The following B3GALNT2 variants were observed in gnomAD, a reference collection of about 807,000 sequenced individuals.
B3GALNT2 encodes beta-1,3-N-acetylgalactosaminyltransferase 2.
Under a neutral mutation model 61.1 loss-of-function variants are expected in B3GALNT2, and 53 were observed. The ratio of observed to expected loss-of-function variants is 0.87; its 90% CI spans 0.70 to 1.09. The LOEUF (loss-of-function observed/expected upper bound fraction) is 1.09. Among genes scored for constraint, B3GALNT2 ranks in the 50% least tolerant of loss-of-function variants. The pLI, the probability that B3GALNT2 is intolerant of heterozygous loss-of-function variation, is 0.00. For missense variants in B3GALNT2, 544 were observed against 623.0 expected (o/e 0.87, Z 1.35); for synonymous variants, 223 against 237.4 (o/e 0.94, Z 0.56).
chr1:235,489,402 T>C (rs1225868647), intron 2 of B3GALNT2, 134 bp from the exon 3 acceptor site: 2 of 1,372,040 alleles, frequency 1.5e-6, no homozygotes, highest in African/African-American at 1.5e-5. Flanking sequence ...TTTATTCTTC[T>C]AGTCAGACAA....
chr1:235,447,549 G>A lies in B3GALNT2; in HGVS notation c.*2657C>T, dbSNP rs1001076561. On this transcript the variant is annotated 3_prime_UTR_variant, in exon 12 of 12. Transcript: ENST00000366600. ...GATGTAATTACAGAATGGCGGCGCT[G>A]GAAGGGACCTTGTAGATCATTTAGT... 6.6e-6 allele frequency among the ~76,000 whole-genome samples: 1 copy of A among 152,092 alleles called. No individual in the cohort carries two copies. Among genetic ancestry groups the A allele is most frequent in the Non-Finnish European group, 1.5e-5 (1 of 68,022 alleles).
At chr1:235,465,327 T>G in intron 7 of B3GALNT2, 1 of 274,212 alleles carries the variant, frequency 3.6e-6, no homozygotes, top group Non-Finnish European at 6.9e-6. Flanking sequence ...GCATTTCCAT[T>G]TATGTGAAAT....
downstream of B3GALNT2, chr1:235,442,757 A>T: frequency 1.4e-5 from 15 of 1,063,618 alleles, no homozygotes; most frequent in Non-Finnish European, 2.0e-5. Context: ...TGCACTGAAT[A>T]CCTCTATCAT....
chr1:235,503,536 C>T (rs1685681053), intron 1 of B3GALNT2, among the ~76,000 whole-genome samples: 1 of 152,250 alleles, frequency 6.6e-6, no homozygotes, highest in African/African-American at 2.4e-5. Context: ...TCCAAACTCA[C>T]AGGAACAACT....
chr1:235,454,205 T>A lies in B3GALNT2; in HGVS notation c.1262A>T (p.Asp421Val), dbSNP rs751592765. 1.9e-6 allele frequency: 3 copies of A among 1,613,078 alleles called. No individual in the cohort carries two copies. In the African/African-American group the frequency reaches 4.0e-5, roughly 22 times the overall value. Reference sequence around the variant, plus strand: ...GTTGCTTGCCAGCCACTTGACGATGTCCTTGGAGATCACATATCCTGACCC... The same window carrying A: ...GTTGCTTGCCAGCCACTTGACGATGACCTTGGAGATCACATATCCTGACCC... ...ACGSGYVISK[D>V]IVKWLASNSG... Residue 421 changes from aspartate to valine, a missense_variant, in exon 10 of 12, where the codon GAC (aspartate) becomes GTC (valine). By Grantham distance (152) the Asp-to-Val change is radical. Coordinates refer to ENST00000366600, the MANE Select transcript of B3GALNT2 (RefSeq NM_152490.5).
chr1:235,470,175 T>C (rs1018253365), intron 6 of B3GALNT2, among the ~76,000 whole-genome samples: 9 of 152,146 alleles, frequency 5.9e-5, no homozygotes, highest in Admixed American at 2.6e-4. Context: ...CTGGGATTAT[T>C]GGCATGAGCC....
chr1:235,482,238 C>T (rs1684596655), intron 4 of B3GALNT2, among the ~76,000 whole-genome samples: 1 of 152,108 alleles, frequency 6.6e-6, no homozygotes, highest in Non-Finnish European at 1.5e-5. Context: ...TCCAAATATG[C>T]ATCTCCTCCC....
At chr1:235,451,627 C>T (rs1458665000) in intron 11 of B3GALNT2, 2 of 152,142 alleles carry the variant, frequency 1.3e-5, no homozygotes, top group Non-Finnish European at 1.5e-5. Flanking sequence ...AGACAAAGTA[C>T]AGCAAAGGAA....
chr1:235,477,893 G>A (rs890508520), intron 5 of B3GALNT2, among the ~76,000 whole-genome samples: 3 of 152,154 alleles, frequency 2.0e-5, no homozygotes, highest in Non-Finnish European at 2.9e-5. Flanking sequence ...AGCAGTCTAC[G>A]TGTGTTAAAT....
At chr1:235,478,108 G>T (rs1684371078) in intron 5 of B3GALNT2, among the ~76,000 whole-genome samples, 1 of 152,100 alleles carries the variant, frequency 6.6e-6, no homozygotes, top group Admixed American at 6.5e-5. Context: ...AGGCTGGAGT[G>T]CAGTGTTGCA....
chr1:235,445,330 C>A (rs1325525431), downstream of B3GALNT2, among the ~76,000 whole-genome samples: 2 of 152,134 alleles, frequency 1.3e-5, no homozygotes, highest in South Asian at 4.1e-4. Flanking sequence ...TAAATGTCTT[C>A]TAAACAGAAA....
intron 7 of B3GALNT2, 44 bp downstream of exon 7, chr1:235,465,592 T>C (rs1204702829): frequency 6.2e-7 from 1 of 1,606,920 alleles, no homozygotes; most frequent in Admixed American, 1.7e-5. Context: ...AGATTAAGTA[T>C]AAGACATTCA....
intron 1 of B3GALNT2, among the ~76,000 whole-genome samples, chr1:235,498,639 G>A (rs1036517907): frequency 1.3e-5 from 2 of 152,040 alleles, no homozygotes; most frequent in African/African-American, 4.8e-5. Flanking sequence ...TCAGAAGTTC[G>A]AGACCAGCCT....
intron 1 of B3GALNT2, chr1:235,496,131 G>C (rs1685307025): frequency 6.2e-6 from 1 of 162,404 alleles, no homozygotes. Context: ...GACCAACATG[G>C]AGAAACCCTG....
intron 5 of B3GALNT2, among the ~76,000 whole-genome samples, chr1:235,478,458 CT>C (rs573309602): frequency 6.6e-4 from 101 of 152,304 alleles, no homozygotes; most frequent in African/African-American, 2.3e-3. Flanking sequence ...AAAACAGGCA[CT>C]CTCATATATT....
At chr1:235,498,614 G>A (rs1685440070) in intron 1 of B3GALNT2, among the ~76,000 whole-genome samples, 1 of 151,988 alleles carries the variant, frequency 6.6e-6, no homozygotes, top group Non-Finnish European at 1.5e-5. Flanking sequence ...AGGCCGAGGA[G>A]GGCAGATCAC....
At chr1:235,454,689 C>T (rs1314978583) in intron 9 of B3GALNT2, among the ~76,000 whole-genome samples, 1 of 152,192 alleles carries the variant, frequency 6.6e-6, no homozygotes, top group Non-Finnish European at 1.5e-5. Flanking sequence ...ATCCACCCTC[C>T]TCAGCCTCCC....
rs183500329 is a variant in B3GALNT2 at position 235,452,345 on chromosome 1, G to C, written c.1368+745C>G. 28 of 152,256 alleles carry C rather than the reference G, an allele frequency of 1.8e-4. 1 individual carries two copies. The highest frequency in any genetic ancestry group is 1.6e-3 in the Admixed American group (25 of 15,288). The allele number at this position is 152,256 out of a possible 1,614,324, so 9.4% of individuals were successfully genotyped here. On this transcript the variant is annotated intron_variant, in intron 11 of 11. Transcript: ENST00000366600. The stretch of plus-strand genomic sequence containing the variant: ...AAACTGAGTTTTTTTGTAGGCAGGG[G>C]AACGTTGATTTATAACCTTTTGCTT...
chr1:235,474,988 T>TATATATATATATATATATATA (rs1491560842), intron 5 of B3GALNT2, among the ~76,000 whole-genome samples: 4 of 19,136 alleles, frequency 2.1e-4, no homozygotes, highest in African/African-American at 2.8e-4. Flanking sequence ...TATATATATA[T>TATATATATATATATATATATA]TTTTTTTTTT....
Sources: gnomAD v4.1 joint callset for allele counts (sites outside exome capture counted in the v4.1 genomes callset) on GRCh38, gnomAD v4.1.1 for gene constraint, MANE v1.5 for transcripts, NCBI Gene and HGNC (gene_info 2026-07-23, HGNC 2026-07-21) for gene names.